The following WWTR1 variants were observed in gnomAD, a reference collection of about 807,000 sequenced individuals.
The protein encoded by WWTR1 is WW domain containing transcription regulator 1.
Under a neutral mutation model 40.1 loss-of-function variants are expected in WWTR1, and 13 were observed. That is an observed-to-expected ratio of 0.32 (90% CI 0.21 to 0.52). The LOEUF (loss-of-function observed/expected upper bound fraction) is 0.52, where lower values mean the gene tolerates loss of function less well. WWTR1 is among the 20% of genes least tolerant of loss of function. WWTR1 has a pLI of 0.97. For missense variants in WWTR1, 436 were observed against 523.1 expected (o/e 0.83, Z 1.63); for synonymous variants, 230 against 210.1 (o/e 1.09, Z -0.82).
chr3:149,568,674 C>T (rs769663435), intron 3 of WWTR1, among the ~76,000 whole-genome samples: 5 of 152,126 alleles, frequency 3.3e-5, no homozygotes, highest in Non-Finnish European at 7.3e-5. Context: ...GTCACTCACT[C>T]CAGGATGACT....
At chr3:149,577,190 T>A in intron 2 of WWTR1, among the ~76,000 whole-genome samples, 1 of 151,620 alleles carries the variant, frequency 6.6e-6, no homozygotes, top group East Asian at 1.9e-4. Flanking sequence ...CAAAAAGAGT[T>A]CCTGAAGATA....
chr3:149,560,784 T>C (rs1477426448), intron 3 of WWTR1, among the ~76,000 whole-genome samples: 1 of 152,134 alleles, frequency 6.6e-6, no homozygotes, highest in Middle Eastern at 3.2e-3. Flanking sequence ...TGGAATGAAA[T>C]GCATGACATG....
At chr3:149,680,549 AAACC>A (rs201103071) in intron 1 of WWTR1, among the ~76,000 whole-genome samples, 3,870 of 151,566 alleles carry the variant, frequency 0.026, 122 homozygotes, top group East Asian at 0.12. Flanking sequence ...GTCTCAAAAA[AAACC>A]AACCAACCAA....
At chr3:149,591,399 A>G (rs909661807) in intron 2 of WWTR1, among the ~76,000 whole-genome samples, 1 of 152,218 alleles carries the variant, frequency 6.6e-6, no homozygotes, top group Admixed American at 6.5e-5. Flanking sequence ...TAATGCTTTT[A>G]ATATCATATT....
chr3:149,574,315 C>T (rs1368420707), intron 2 of WWTR1, among the ~76,000 whole-genome samples: 1 of 152,150 alleles, frequency 6.6e-6, no homozygotes, highest in Admixed American at 6.5e-5. Context: ...GCTGGGATTA[C>T]AGGCACAAGC....
rs539826853 is a variant in WWTR1, at chr3:149,584,010, T to C, written c.432-11010A>G. ...AAGTCTTAAAAAGAAGTTAGTATTT[T>C]AGAGTAGCCACTAAGCTACTCTAAA... On this transcript the variant is annotated intron_variant, in intron 2 of 6. Coordinates refer to ENST00000360632, the MANE Select transcript of WWTR1 (RefSeq NM_015472.6). 5.3e-5 allele frequency among the ~76,000 whole-genome samples: 8 copies of C among 152,376 alleles called. No individual in the cohort carries two copies. In the East Asian group the frequency reaches 1.5e-3, roughly 29 times the overall value.
chr3:149,583,901 C>T lies in WWTR1; in HGVS notation c.432-10901G>A, dbSNP rs1738279798. Among the ~76,000 whole-genome samples, 4 of 152,318 alleles carry T rather than the reference C, an allele frequency of 2.6e-5. No homozygotes were observed. The South Asian group carries it at 8.3e-4, about 32-fold the overall frequency. Reference sequence around the variant, plus strand: ...TTATTATAAATGGTCCAGAGCCTGACACTCTGTCTCAACAGCTGTATGTTA... The same window carrying T: ...TTATTATAAATGGTCCAGAGCCTGATACTCTGTCTCAACAGCTGTATGTTA... On this transcript the variant is annotated intron_variant, in intron 2 of 6. Coordinates refer to ENST00000360632, the MANE Select transcript of WWTR1 (RefSeq NM_015472.6).
chr3:149,631,111 A>C lies in WWTR1; in HGVS notation c.431+25765T>G, dbSNP rs149319115. 1.1e-4 allele frequency among the ~76,000 whole-genome samples: 17 copies of C among 152,234 alleles called. No homozygotes were observed. In the East Asian group the frequency reaches 3.3e-3, roughly 29 times the overall value. On this transcript the variant is annotated intron_variant, in intron 2 of 6. Transcript: ENST00000360632. ...GAAATGCCAGGCAAGAGCTGTCCCC[A>C]CTCACCTGGGGTCAGAATAGAGGAA...
chr3:149,572,832 C>A (rs1326977515), intron 3 of WWTR1, 32 bp downstream of exon 3: 1 of 1,607,938 alleles, frequency 6.2e-7, no homozygotes, highest in Non-Finnish European at 8.5e-7. Context: ...AAAAAAATAT[C>A]TTTTTTAATT....
intron 2 of WWTR1, among the ~76,000 whole-genome samples, chr3:149,636,149 T>C (rs935538015): frequency 1.3e-5 from 2 of 152,226 alleles, no homozygotes. Context: ...TTGAAGTTTG[T>C]GGATGATGGC....
intron 4 of WWTR1, among the ~76,000 whole-genome samples, chr3:149,723,185 C>CTTTT (rs35573546): frequency 5.6e-4 from 57 of 101,824 alleles, no homozygotes; most frequent in African/African-American, 1.0e-3. Flanking sequence ...CTTTTCTTTT[C>CTTTT]TTTTTTTTTT....
At chr3:149,563,088 G>A (rs1045813207) in intron 3 of WWTR1, among the ~76,000 whole-genome samples, 3 of 152,110 alleles carry the variant, frequency 2.0e-5, no homozygotes, top group Admixed American at 6.5e-5. Context: ...CAAACTTTTG[G>A]AAGTCAGCCA....
rs1199041445 is a variant in WWTR1, at chr3:149,551,040, G to A, written c.569-8503C>T. ...TAAAGCCGGCACGGTGGCTCAGGCA[G>A]TAATCCCAGCACTTTGGGAGGCTGA... On this transcript the variant is annotated intron_variant, in intron 3 of 6. Transcript: ENST00000360632. Among the ~76,000 whole-genome samples the A allele has an allele frequency of 3.5e-5, 5 of 144,662 alleles. 1 individual carries two copies. Among genetic ancestry groups the A allele is most frequent in the Admixed American group, 6.9e-5 (1 of 14,436 alleles). 94.9% of individuals were successfully genotyped at this position (144,662 alleles called of 152,430 possible). A position where few individuals can be genotyped will look rare whatever the true frequency, so the allele number is the denominator to read the frequency against.
At chr3:149,704,999 G>T (rs878889973), upstream of WWTR1, among the ~76,000 whole-genome samples, 2 of 151,774 alleles carry the variant, frequency 1.3e-5, no homozygotes, top group Admixed American at 6.6e-5. Flanking sequence ...TATAAGAACA[G>T]GATGAAATAA....
intron 2 of WWTR1, among the ~76,000 whole-genome samples, chr3:149,646,272 G>C (rs968254228): frequency 1.3e-5 from 2 of 152,284 alleles, no homozygotes; most frequent in South Asian, 4.1e-4. Context: ...GTGAAGGACC[G>C]GGGTTTTATT....
rs1713269475 is a variant in WWTR1, at chr3:149,656,977, G to A, written c.330C>T (p.His110=). Residue 110 remains histidine, a synonymous_variant, in exon 2 of 7, where the codon CAC becomes CAT. Transcript: ENST00000360632. ...CGTAGGACTGCTGGCGGAGGTGCGC[G>A]TGCTGCTGCGCGGGGCTACCCGCAG... ...AGAAGSPAQQ[H]AHLRQQSYDV... 2 of 1,598,810 alleles carry A rather than the reference G, an allele frequency of 1.3e-6. No individual in the cohort carries two copies. The highest frequency in any genetic ancestry group is 2.2e-5 in the East Asian group (1 of 44,592).
chr3:149,644,703 C>CAT (rs2108134077), intron 2 of WWTR1, among the ~76,000 whole-genome samples: 1 of 152,140 alleles, frequency 6.6e-6, no homozygotes, highest in East Asian at 1.9e-4. Flanking sequence ...TCAGTCAAGT[C>CAT]ATATATACAT....
At chr3:149,598,781 T>C (rs1195908063) in intron 2 of WWTR1, among the ~76,000 whole-genome samples, 1 of 152,260 alleles carries the variant, frequency 6.6e-6, no homozygotes, top group African/African-American at 2.4e-5. Context: ...CAAATAATGC[T>C]TCAACAAACA....
intron 2 of WWTR1, among the ~76,000 whole-genome samples, chr3:149,606,296 G>C (rs940856622): frequency 6.6e-6 from 1 of 152,154 alleles, no homozygotes; most frequent in African/African-American, 2.4e-5. Flanking sequence ...GTCCCATTCC[G>C]CTTTAAGCGT....
Sources: allele counts gnomAD v4.1 joint callset (sites outside exome capture counted in the v4.1 genomes callset), GRCh38; gene constraint gnomAD v4.1.1; transcripts MANE v1.5; gene names NCBI Gene and HGNC (gene_info 2026-07-23, HGNC 2026-07-21).